Variants in ST7 observed in about 807,000 individuals in gnomAD.
ST7 encodes the protein suppressor of tumorigenicity 7 protein.
Under a neutral mutation model 78.7 loss-of-function variants are expected in ST7, and 28 were observed. That is an observed-to-expected ratio of 0.36 (90% confidence interval 0.26 to 0.49). ST7 has a LOEUF of 0.49. Among genes scored for constraint, ST7 ranks in the 20% least tolerant of loss-of-function variants. The probability of loss-of-function intolerance (pLI) is 0.99; values close to 1 mark genes in which losing one functional copy is unlikely to be tolerated. For synonymous variants in ST7, 247 were observed against 249.6 expected (o/e 0.99, Z 0.10); for missense variants, 418 against 696.0 (o/e 0.60, Z 4.49).
chr7:117,033,369 A>G (rs1796701725), intron 1 of ST7, among the ~76,000 whole-genome samples: 1 of 151,976 alleles, frequency 6.6e-6, no homozygotes, highest in African/African-American at 2.4e-5. Flanking sequence ...ATGAAATTAT[A>G]ATTCATGCAT....
At chr7:117,038,065 T>G (rs1796992710) in intron 1 of ST7, among the ~76,000 whole-genome samples, 1 of 152,196 alleles carries the variant, frequency 6.6e-6, no homozygotes, top group South Asian at 2.1e-4. Flanking sequence ...TTTTAAAGAA[T>G]AATTTTCTGT....
At chr7:117,040,417 TACACACACACAC>T (rs143063486) in intron 1 of ST7, among the ~76,000 whole-genome samples, 1 of 150,384 alleles carries the variant, frequency 6.6e-6, no homozygotes, top group South Asian at 2.1e-4. Flanking sequence ...TATACACACA[TACACACACACAC>T]ACACACCCTT....
At chr7:117,115,847 C>T (rs1383515820) in intron 2 of ST7, among the ~76,000 whole-genome samples, 2 of 152,158 alleles carry the variant, frequency 1.3e-5, no homozygotes, top group African/African-American at 4.8e-5. Flanking sequence ...TTTAGACAAT[C>T]TCCTGTTACA....
intron 1 of ST7, among the ~76,000 whole-genome samples, chr7:117,052,048 A>G (rs1797816249): frequency 1.3e-5 from 2 of 152,216 alleles, no homozygotes; most frequent in Non-Finnish European, 2.9e-5. Flanking sequence ...CCTCTGTGTC[A>G]TCAATAATTT....
chr7:116,954,177 C>G (rs1400201444), intron 1 of ST7: 1 of 151,686 alleles, frequency 6.6e-6, no homozygotes, highest in Non-Finnish European at 1.5e-5. Context: ...GGCCCGAGGG[C>G]GGCTGCCGGA....
At position 117,030,907 on chromosome 7, in the gene ST7, T is replaced by C. The variant is rs549602013; in HGVS notation, c.152-68855T>C. Among the ~76,000 whole-genome samples the C allele has an allele frequency of 1.9e-3, 285 of 152,198 alleles. 2 individuals carry two copies. The highest frequency in any genetic ancestry group is 0.014 in the Middle Eastern group (4 of 294). On this transcript the variant is annotated intron_variant, in intron 1 of 15. Coordinates refer to ENST00000323984, the MANE Select transcript of ST7 (RefSeq NM_001369598.1). ...CATGCATATGTTCACTGCAGTACTA[T>C]TCATAATATCAAAGACATGGAATCA...
In ST7 at chr7:116,963,018, T is replaced by G. The variant is rs548633694; in HGVS notation, c.151+9327T>G. Among the ~76,000 whole-genome samples, 301 of 152,318 alleles carry G rather than the reference T, an allele frequency of 2.0e-3. 1 individual carries two copies. The highest frequency in any genetic ancestry group is 3.7e-3 in the Admixed American group (57 of 15,298). ...GCTTTGTAGGCTGTAAAATACTATT[T>G]AAATCTGAGGCATTATAGTAGGTCT... is the stretch of plus-strand genomic sequence containing the variant. On this transcript the variant is annotated intron_variant, in intron 1 of 15. Transcript: ENST00000323984.
At chr7:117,068,223 ATTTTTCTTTT>A (rs1295635178) in intron 1 of ST7, among the ~76,000 whole-genome samples, 1 of 151,850 alleles carries the variant, frequency 6.6e-6, no homozygotes, top group Admixed American at 6.6e-5. Flanking sequence ...TGAATCATAT[ATTTTTCTTTT>A]TTTTTCTTTT....
chr7:116,961,441 T>G (rs1165219700), intron 1 of ST7, among the ~76,000 whole-genome samples: 1 of 152,178 alleles, frequency 6.6e-6, no homozygotes, highest in African/African-American at 2.4e-5. Context: ...ATTCTTCCTA[T>G]CCGTGAGCAT....
At chr7:117,198,704 C>A (rs1233360844) in intron 12 of ST7, among the ~76,000 whole-genome samples, 1 of 152,162 alleles carries the variant, frequency 6.6e-6, no homozygotes, top group Non-Finnish European at 1.5e-5. Context: ...CATACGCAGG[C>A]CCCTTCCTCT....
At chr7:116,986,332 A>G (rs968811334) in intron 1 of ST7, among the ~76,000 whole-genome samples, 5 of 152,208 alleles carry the variant, frequency 3.3e-5, no homozygotes, top group South Asian at 2.1e-4. Flanking sequence ...GGTGGTGGTC[A>G]TGTAGGATAA....
chr7:116,955,607 CCTT>C (rs1240649617), intron 1 of ST7, among the ~76,000 whole-genome samples: 2 of 152,146 alleles, frequency 1.3e-5, no homozygotes, highest in African/African-American at 4.8e-5. Flanking sequence ...TAATGTTTCT[CCTT>C]ATTACACACT....
intron 14 of ST7, among the ~76,000 whole-genome samples, chr7:117,221,648 CTCCTCT>C (rs528143391): frequency 1.1e-4 from 17 of 152,240 alleles, no homozygotes; most frequent in African/African-American, 4.1e-4. Flanking sequence ...ATAGGCGGTG[CTCCTCT>C]TCCCTCCCAT....
chr7:116,966,007 A>G (rs1048900668), intron 1 of ST7: 5 of 412,680 alleles, frequency 1.2e-5, no homozygotes, highest in Admixed American at 3.2e-5. Context: ...AACGTGGTTC[A>G]TTGGTTCATG....
chr7:117,056,463 T>C (rs1423589797), intron 1 of ST7, among the ~76,000 whole-genome samples: 2 of 151,736 alleles, frequency 1.3e-5, no homozygotes, highest in African/African-American at 4.8e-5. Context: ...AGAAACCCCA[T>C]CTCTACTAAA....
At position 117,106,287 on chromosome 7, in the gene ST7, C is replaced by T. The variant is rs571316911; in HGVS notation, c.234+6443C>T. Among the ~76,000 whole-genome samples the T allele has an allele frequency of 4.2e-4, 64 of 152,166 alleles. 1 individual carries two copies. The highest frequency in any genetic ancestry group is 1.5e-3 in the African/African-American group (62 of 41,520). On this transcript the variant is annotated intron_variant, in intron 2 of 15. Coordinates refer to ENST00000323984, the MANE Select transcript of ST7 (RefSeq NM_001369598.1). ...TGCTGGGATTACAGGCGTGAGCCAC[C>T]GCACCCGGCCAGGAAATGTTTTGTC...
At chr7:116,962,111 G>T (rs879630344) in intron 1 of ST7, among the ~76,000 whole-genome samples, 3 of 152,136 alleles carry the variant, frequency 2.0e-5, no homozygotes, top group African/African-American at 4.8e-5. Context: ...CAAAGGAGAT[G>T]ATCTCATTCC....
chr7:117,176,448 G>A (rs1479506397), intron 10 of ST7, among the ~76,000 whole-genome samples: 1 of 152,170 alleles, frequency 6.6e-6, no homozygotes, highest in Non-Finnish European at 1.5e-5. Context: ...GAAGTTCTAA[G>A]GAAAGTCATT....
At chr7:117,189,174 C>G (rs980192054) in intron 10 of ST7, 147 bp from the exon 11 acceptor site, 3 of 505,502 alleles carry the variant, frequency 5.9e-6, no homozygotes, top group Non-Finnish European at 6.9e-6. Context: ...TAAGGAATAG[C>G]TGAAATTCTT....
Sources: gnomAD v4.1 joint callset for allele counts (sites outside exome capture counted in the v4.1 genomes callset) on GRCh38, gnomAD v4.1.1 for gene constraint, MANE v1.5 for transcripts, NCBI Gene and HGNC (gene_info 2026-07-23, HGNC 2026-07-21) for gene names.